UBE3D: variants seen among roughly 807,000 people sequenced by gnomAD.
UBE3D encodes the protein ubiquitin protein ligase E3D, also known as E3 ubiquitin-protein ligase E3D.
UBE3D carries 48 observed loss-of-function variants against 49.6 expected under a neutral mutation model. The observed-to-expected ratio is 0.97, with a 90% CI of 0.77 to 1.23. UBE3D has a LOEUF of 1.23. Ranked by LOEUF, UBE3D falls within the 50% of genes most tolerant of loss-of-function variation. The pLI, the probability that UBE3D is intolerant of heterozygous loss-of-function variation, is 0.00. For synonymous variants in UBE3D, 189 were observed against 174.2 expected (o/e 1.08, Z -0.67); for missense variants, 452 against 468.4 (o/e 0.96, Z 0.32).
At chr6:82,964,885 AACT>A (rs779377985) in intron 8 of UBE3D, among the ~76,000 whole-genome samples, 1 of 152,324 alleles carries the variant, frequency 6.6e-6, no homozygotes, top group Admixed American at 6.5e-5. Context: ...AAAATGCACA[AACT>A]ACTGTTTGTC....
At chr6:82,884,323 T>A in the UBE3D span, among the ~76,000 whole-genome samples, 1 of 152,056 alleles carries the variant, frequency 6.6e-6, no homozygotes, top group Non-Finnish European at 1.5e-5. Context: ...CACCTACACC[T>A]CATATGGGGC....
At chr6:82,991,759 C>G (rs972131811) in intron 8 of UBE3D, among the ~76,000 whole-genome samples, 1 of 152,114 alleles carries the variant, frequency 6.6e-6, no homozygotes, top group African/African-American at 2.4e-5. Context: ...ACTTTCTTAA[C>G]TGAAGAAAGA....
At chr6:82,969,718 A>T (rs193267122) in intron 8 of UBE3D, among the ~76,000 whole-genome samples, 1 of 152,340 alleles carries the variant, frequency 6.6e-6, no homozygotes, top group African/African-American at 2.4e-5. Context: ...AAAAATGGAA[A>T]GATATACTTA....
At chr6:83,060,585 G>T (rs150801134) in intron 1 of UBE3D, among the ~76,000 whole-genome samples, 162 of 152,312 alleles carry the variant, frequency 1.1e-3, no homozygotes, top group African/African-American at 3.8e-3. Context: ...AGTACACTTA[G>T]TGCCCAGATC....
chr6:82,952,478 G>A (rs1775873174), intron 9 of UBE3D, among the ~76,000 whole-genome samples: 1 of 151,222 alleles, frequency 6.6e-6, no homozygotes, highest in South Asian at 2.1e-4. Context: ...AAGCTGCAGT[G>A]CAGTGGCACA....
At chr6:82,906,807 A>C (rs978150048) in intron 9 of UBE3D, among the ~76,000 whole-genome samples, 11 of 152,314 alleles carry the variant, frequency 7.2e-5, no homozygotes, top group Middle Eastern at 6.8e-3. Context: ...CAAGGTTCTA[A>C]ACTACTCAGA....
At chr6:82,914,227 G>C (rs140910163) in intron 9 of UBE3D, among the ~76,000 whole-genome samples, 1 of 152,288 alleles carries the variant, frequency 6.6e-6, no homozygotes, top group East Asian at 1.9e-4. Context: ...GATGCAGTCT[G>C]ACTTTTAGAA....
chr6:82,910,461 AC>A (rs938905033), intron 9 of UBE3D, among the ~76,000 whole-genome samples: 21 of 152,252 alleles, frequency 1.4e-4, no homozygotes, highest in Admixed American at 1.3e-3. Flanking sequence ...GTTATTTTCA[AC>A]CCCAGTACTC....
At position 83,057,907 on chromosome 6, in the gene UBE3D, G is replaced by C; in HGVS notation, c.193C>G (p.Pro65Ala). The C allele has an allele frequency of 6.2e-7, 1 of 1,614,150 alleles. No individual in the cohort carries two copies. Among genetic ancestry groups the C allele is most frequent in the Non-Finnish European group, 8.5e-7 (1 of 1,180,016 alleles). ...IQLPAEVRLV[P>A]SSCRGLQFVV... ...AACTGTAGCCCACGGCAAGAGGAAG[G>C]TACAAGCCTGACCTCTGCTGGAAGC... Residue 65 changes from proline (P) to alanine (A), a missense_variant, in exon 2 of 10, where the codon CCT becomes GCT. Physicochemically the swap from Pro to Ala is conservative, Grantham distance 27. Coordinates refer to ENST00000369747, the MANE Select transcript of UBE3D (RefSeq NM_198920.3).
At position 83,028,121 on chromosome 6, in the gene UBE3D, A is replaced by G. The variant is rs73481041; in HGVS notation, c.668-4083T>C. Reference sequence around the variant, plus strand: ...TGTATAAATTTATTGTTTAATTTATATAACTTACTGTTATAGTTTCCTTTT... The same window carrying G: ...TGTATAAATTTATTGTTTAATTTATGTAACTTACTGTTATAGTTTCCTTTT... On this transcript the variant is annotated intron_variant, in intron 5 of 9. Coordinates refer to ENST00000369747, the MANE Select transcript of UBE3D (RefSeq NM_198920.3). Among the ~76,000 whole-genome samples, 1,069 of 152,240 alleles carry G rather than the reference A, an allele frequency of 7.0e-3. 14 individuals are homozygous for G. The highest frequency in any genetic ancestry group is 0.024 in the African/African-American group (1,012 of 41,562).
intron 9 of UBE3D, among the ~76,000 whole-genome samples, chr6:82,904,205 A>G (rs1283069757): frequency 6.6e-6 from 1 of 152,194 alleles, no homozygotes; most frequent in Non-Finnish European, 1.5e-5. Context: ...GAAATGAAGC[A>G]TAATGAACCA....
At chr6:82,947,265 T>C (rs1168522003) in intron 9 of UBE3D, among the ~76,000 whole-genome samples, 2 of 152,136 alleles carry the variant, frequency 1.3e-5, no homozygotes, top group Middle Eastern at 3.4e-3. Context: ...ATTGTAAATA[T>C]ATGTGCACCC....
chr6:82,887,764 A>C (rs1233436127), downstream of UBE3D, among the ~76,000 whole-genome samples: 1 of 152,096 alleles, frequency 6.6e-6, no homozygotes, highest in East Asian at 1.9e-4. Flanking sequence ...TTCTGAGTCC[A>C]ATATGTACTA....
chr6:83,012,902 T>C (rs1320522346), intron 8 of UBE3D, among the ~76,000 whole-genome samples: 4 of 152,208 alleles, frequency 2.6e-5, no homozygotes, highest in Admixed American at 6.5e-5. Context: ...CTGTCCACTT[T>C]CAGGTGGTAC....
At chr6:83,065,481 G>T (rs1475664794) in intron 1 of UBE3D, among the ~76,000 whole-genome samples, 161 bp downstream of exon 1, 1 of 152,114 alleles carries the variant, frequency 6.6e-6, no homozygotes, top group Non-Finnish European at 1.5e-5. Flanking sequence ...GAGTGGCGGA[G>T]CCGACTACAG....
In UBE3D at chr6:82,919,662, A is replaced by T. The variant is rs573643909; in HGVS notation, c.1150-26620T>A. On this transcript the variant is annotated intron_variant, in intron 9 of 9. Coordinates refer to ENST00000369747, the MANE Select transcript of UBE3D (RefSeq NM_198920.3). ...AAGAAGTATCAGGACATGCAAGGAC[A>T]GATGATAATAAGAATGCCAGTGGAG... 1.3e-4 allele frequency among the ~76,000 whole-genome samples: 20 copies of T among 152,314 alleles called. No individual in the cohort carries two copies. The South Asian group carries it at 3.5e-3, about 27-fold the overall frequency.
intron 2 of UBE3D, among the ~76,000 whole-genome samples, chr6:83,057,088 A>G (rs1783863096): frequency 6.6e-6 from 1 of 152,252 alleles, no homozygotes; most frequent in African/African-American, 2.4e-5. Flanking sequence ...CAGGCATAGT[A>G]AAAGTTAAAA....
rs530185037 is a variant in UBE3D, at chr6:82,945,647, C to T, written c.1149+11665G>A. Among the ~76,000 whole-genome samples the T allele has an allele frequency of 2.6e-5, 4 of 152,210 alleles. No homozygotes were observed. In the East Asian group the frequency reaches 5.8e-4, roughly 22 times the overall value. On this transcript the variant is annotated intron_variant, in intron 9 of 9. Transcript: ENST00000369747. ...TGAAGACCATCCAGAAAAACATGAC[C>T]TCACCAAACAAACTAAATGAGGCAC...
chr6:83,020,807 G>A (rs1781039521), intron 7 of UBE3D, among the ~76,000 whole-genome samples: 1 of 152,106 alleles, frequency 6.6e-6, no homozygotes, highest in Non-Finnish European at 1.5e-5. Flanking sequence ...CCTCCTTTTT[G>A]TTACTATGTT....
Sources: gnomAD v4.1 joint callset for allele counts (sites outside exome capture counted in the v4.1 genomes callset) on GRCh38, gnomAD v4.1.1 for gene constraint, MANE v1.5 for transcripts, NCBI Gene and HGNC (gene_info 2026-07-23, HGNC 2026-07-21) for gene names.